Variants in ULK4 observed in about 807,000 individuals in gnomAD.
ULK4 encodes inactive serine/threonine-protein kinase ULK4.
Under a neutral mutation model 160.6 loss-of-function variants are expected in ULK4, and 133 were observed. That is an observed-to-expected ratio of 0.83 (90% confidence interval 0.72 to 0.96). The LOEUF (loss-of-function observed/expected upper bound fraction) is 0.96. Ranked by LOEUF, ULK4 falls within the 40% of genes least tolerant of loss-of-function variation. The pLI, the probability that ULK4 is intolerant of heterozygous loss-of-function variation, is 0.00. For synonymous variants in ULK4, 534 were observed against 539.8 expected, an observed-to-expected ratio of 0.99 and a Z score of 0.15; for missense variants, 1,580 against 1,499.5, an observed-to-expected ratio of 1.05 and a Z score of -0.89.
At chr3:41,668,405 T>C (rs2035421200) in intron 29 of ULK4, among the ~76,000 whole-genome samples, 1 of 152,242 alleles carries the variant, frequency 6.6e-6, no homozygotes, top group African/African-American at 2.4e-5. Context: ...TAAAAATTTT[T>C]TTCTGTACCT....
chr3:41,500,352 A>T (rs1191260125), intron 32 of ULK4, among the ~76,000 whole-genome samples: 2 of 151,750 alleles, frequency 1.3e-5, no homozygotes, highest in Non-Finnish European at 2.9e-5. Flanking sequence ...ATTTTTAAAA[A>T]CTATCAATGT....
At chr3:41,548,360 T>C (rs767255255) in intron 32 of ULK4, among the ~76,000 whole-genome samples, 2 of 151,924 alleles carry the variant, frequency 1.3e-5, no homozygotes, top group Admixed American at 6.6e-5. Context: ...TACATTCTGC[T>C]TGGGGGCCTG....
At chr3:41,672,110 A>G (rs533943185) in intron 29 of ULK4, among the ~76,000 whole-genome samples, 18 of 152,256 alleles carry the variant, frequency 1.2e-4, no homozygotes, top group Admixed American at 3.9e-4. Flanking sequence ...GGGAATTCTT[A>G]CGCATTGTTG....
intron 13 of ULK4, chr3:41,899,230 G>T (rs1386035859): frequency 6.6e-6 from 1 of 152,232 alleles, no homozygotes; most frequent in Non-Finnish European, 1.5e-5. Flanking sequence ...AGGAGGAACA[G>T]ATAGGGATTA....
intron 31 of ULK4, among the ~76,000 whole-genome samples, chr3:41,611,165 C>A (rs1190040762): frequency 6.6e-6 from 1 of 152,194 alleles, no homozygotes; most frequent in African/African-American, 2.4e-5. Flanking sequence ...TGCCTTAGTG[C>A]GGTACACCGT....
chr3:41,467,698 T>C (rs2083870584), intron 32 of ULK4, among the ~76,000 whole-genome samples: 1 of 152,104 alleles, frequency 6.6e-6, no homozygotes, highest in Non-Finnish European at 1.5e-5. Flanking sequence ...ACAGACAGAT[T>C]GCAAAAATTA....
chr3:41,253,829 C>T (rs1455800861), intron 35 of ULK4, among the ~76,000 whole-genome samples: 1 of 152,072 alleles, frequency 6.6e-6, no homozygotes, highest in Non-Finnish European at 1.5e-5. Flanking sequence ...ATATACCATG[C>T]ACACATAAAT....
At position 41,804,045 on chromosome 3, in the gene ULK4, G is replaced by A. The variant is rs1301382291; in HGVS notation, c.1849-3752C>T. ...CAAATGGTATTTCTAGTTCTAGATC[G>A]CTCAGGAATTGCCACACTGACTTCC... On this transcript the variant is annotated intron_variant, in intron 19 of 36. Coordinates refer to ENST00000301831, the MANE Select transcript of ULK4 (RefSeq NM_017886.4). Among the ~76,000 whole-genome samples the A allele has an allele frequency of 2.0e-4, 31 of 151,956 alleles. 1 individual carries two copies. The highest frequency in any genetic ancestry group is 2.2e-4 in the Non-Finnish European group (15 of 67,998).
At chr3:41,481,522 T>C (rs1380613154) in intron 32 of ULK4, among the ~76,000 whole-genome samples, 1 of 152,182 alleles carries the variant, frequency 6.6e-6, no homozygotes, top group African/African-American at 2.4e-5. Context: ...GATATCCCAC[T>C]GTCTTAAGAA....
At chr3:41,433,314 CA>C (rs1462737769) in intron 34 of ULK4, among the ~76,000 whole-genome samples, 11 of 152,100 alleles carry the variant, frequency 7.2e-5, no homozygotes, top group Non-Finnish European at 1.5e-4. Flanking sequence ...GTCAGAATGG[CA>C]AAATGTTACA....
intron 22 of ULK4, among the ~76,000 whole-genome samples, chr3:41,752,215 T>G (rs1263861581): frequency 6.6e-6 from 1 of 152,234 alleles, no homozygotes; most frequent in Non-Finnish European, 1.5e-5. Context: ...TTTTTTGTTT[T>G]TCTCTTTTCT....
intron 21 of ULK4, among the ~76,000 whole-genome samples, chr3:41,764,252 A>G (rs1014438547): frequency 6.6e-6 from 1 of 152,244 alleles, no homozygotes; most frequent in Non-Finnish European, 1.5e-5. Flanking sequence ...TAAAACAAAC[A>G]TTTTGTTAAA....
rs143738260 is a variant in ULK4 at position 41,486,800 on chromosome 3, G to C, written c.3227-23547C>G. Among the ~76,000 whole-genome samples, 721 of 152,154 alleles carry C rather than the reference G, an allele frequency of 4.7e-3. 4 individuals are homozygous for C. Among genetic ancestry groups the C allele is most frequent in the African/African-American group, 0.017 (696 of 41,490 alleles). On this transcript the variant is annotated intron_variant, in intron 32 of 36. Coordinates refer to ENST00000301831, the MANE Select transcript of ULK4 (RefSeq NM_017886.4). ...TTTTCAGTGTTCTATTTTCATATAC[G>C]ATCTGGCCATTGACCATTTGTATAC... is the stretch of plus-strand genomic sequence containing the variant.
At chr3:41,305,871 C>T (rs1282937295) in intron 35 of ULK4, among the ~76,000 whole-genome samples, 28 of 147,650 alleles carry the variant, frequency 1.9e-4, no homozygotes, top group African/African-American at 4.3e-4. Context: ...TCTGCCCCCC[C>T]GCCCCGTCTG....
At chr3:41,872,166 A>G (rs769883959) in intron 17 of ULK4, among the ~76,000 whole-genome samples, 13 of 152,136 alleles carry the variant, frequency 8.5e-5, no homozygotes, top group Non-Finnish European at 8.8e-5. Context: ...GGCCCTTCTC[A>G]AATTTCAATG....
intron 30 of ULK4, among the ~76,000 whole-genome samples, chr3:41,647,173 G>A (rs2034535100): frequency 6.6e-6 from 1 of 152,208 alleles, no homozygotes; most frequent in African/African-American, 2.4e-5. Context: ...TTGATCGTCT[G>A]AAGCCTTCTT....
rs200428733 is a variant in ULK4 at position 41,797,847 on chromosome 3, G to A, written c.2010+2285C>T. Among the ~76,000 whole-genome samples the A allele has an allele frequency of 2.7e-5, 4 of 149,196 alleles. 1 individual carries two copies. The East Asian group carries it at 7.9e-4, about 29-fold the overall frequency. ...TTGCACTCCAGCCTGGGTGACAAGA[G>A]CACAACTCTATCTCAAAAAGAAAAA... is the stretch of plus-strand genomic sequence containing the variant. On this transcript the variant is annotated intron_variant, in intron 20 of 36. Transcript: ENST00000301831.
chr3:41,332,742 T>C (rs1326403071), intron 35 of ULK4, among the ~76,000 whole-genome samples: 2 of 152,176 alleles, frequency 1.3e-5, no homozygotes, highest in African/African-American at 4.8e-5. Context: ...GTATGATTGA[T>C]CTTGTCACCC....
intron 35 of ULK4, among the ~76,000 whole-genome samples, chr3:41,289,758 T>G (rs976872750): frequency 6.6e-6 from 1 of 152,170 alleles, no homozygotes; most frequent in Non-Finnish European, 1.5e-5. Context: ...AGCAAGTCAG[T>G]CTAACACCAG....
Sources: allele counts gnomAD v4.1 joint callset (sites outside exome capture counted in the v4.1 genomes callset), GRCh38; gene constraint gnomAD v4.1.1; transcripts MANE v1.5; gene names NCBI Gene and HGNC (gene_info 2026-07-23, HGNC 2026-07-21).